Variants in COL20A1 observed in about 807,000 individuals in gnomAD.
COL20A1 encodes the protein collagen alpha-1(XX) chain.
COL20A1 carries 164 observed loss-of-function variants against 152.9 expected under a neutral mutation model. That is an observed-to-expected ratio of 1.07 (90% CI 0.94 to 1.22). COL20A1 has a LOEUF of 1.22. COL20A1 is among the 50% of genes most tolerant of loss of function. The pLI is 0.00. For synonymous variants in COL20A1, 864 were observed against 756.0 expected (o/e 1.14, Z -2.34); for missense variants, 1,873 against 1,744.8 (o/e 1.07, Z -1.31).
intron 2 of COL20A1, among the ~76,000 whole-genome samples, chr20:63,297,155 A>G (rs2067804873): frequency 6.6e-6 from 1 of 152,104 alleles, no homozygotes; most frequent in Non-Finnish European, 1.5e-5. Context: ...CACACTCCCC[A>G]CTGAGGCGGC....
chr20:63,321,945 T>TGGGGCTCA, intron 26 of COL20A1, 113 bp from the exon 27 acceptor site: 22 of 756,600 alleles, frequency 2.9e-5, no homozygotes, highest in Admixed American at 3.2e-5. Context: ...AGTCTGGGGC[T>TGGGGCTCA]GGGTGGGGCA....
chr20:63,327,325 T>C (rs1217644886), intron 31 of COL20A1: 2 of 172,410 alleles, frequency 1.2e-5, no homozygotes, highest in Non-Finnish European at 2.5e-5. Flanking sequence ...TGTTCTGAGC[T>C]GGGAGCTTGG....
In COL20A1 at chr20:63,317,208, G is replaced by T. The variant is rs529840126; in HGVS notation, c.2663+517G>T. Reference sequence around the variant, plus strand: ...TTGATGATAAAGGCGGAAGCCAGGTGTGGTGGTGCACACCTGCAGTCCCAG... The same window carrying T: ...TTGATGATAAAGGCGGAAGCCAGGTTTGGTGGTGCACACCTGCAGTCCCAG... On this transcript the variant is annotated intron_variant, in intron 21 of 35. Coordinates refer to ENST00000358894, the MANE Select transcript of COL20A1 (RefSeq NM_020882.4). Among the ~76,000 whole-genome samples the T allele has an allele frequency of 4.6e-5, 7 of 152,336 alleles. No homozygotes were observed. In the South Asian group the frequency reaches 1.4e-3, roughly 32 times the overall value.
intron 27 of COL20A1, 37 bp downstream of exon 27, chr20:63,322,148 G>C: frequency 1.4e-6 from 2 of 1,453,288 alleles, no homozygotes; most frequent in South Asian, 2.7e-5. Flanking sequence ...GAGGGGCCTG[G>C]ATCGTACCTA....
rs1403374263 is a variant in COL20A1 at position 63,332,910 on chromosome 20, C to T, written c.*2194C>T. 1.3e-5 allele frequency: 2 copies of T among 152,304 alleles called. No individual in the cohort carries two copies. Among genetic ancestry groups the T allele is most frequent in the Admixed American group, 6.5e-5 (1 of 15,288 alleles). 9.4% of individuals were successfully genotyped at this position (152,304 alleles called of 1,614,324 possible). On this transcript the variant is annotated 3_prime_UTR_variant, in exon 36 of 36. Transcript: ENST00000358894. The stretch of plus-strand genomic sequence containing the variant: ...GGATGGCAAGGGAGCTGAGAGCAGC[C>T]TCCGGATGCACCAAACCGGCCTGGC...
At chr20:63,326,715 G>C (rs1232329881) in intron 30 of COL20A1, 37 bp from the exon 31 acceptor site, 1 of 1,355,352 alleles carries the variant, frequency 7.4e-7, no homozygotes, top group Non-Finnish European at 9.6e-7. Flanking sequence ...GATTTGCTGG[G>C]GGCCCAAGCC....
At chr20:63,298,952 G>C (rs529140355) in intron 3 of COL20A1, among the ~76,000 whole-genome samples, 154 of 152,316 alleles carry the variant, frequency 1.0e-3, no homozygotes, top group African/African-American at 3.5e-3. Flanking sequence ...ACCCTCCCCT[G>C]CTCCCTGGAC....
chr20:63,304,180 CA>C (rs1358919974), intron 3 of COL20A1, among the ~76,000 whole-genome samples: 464 of 132,960 alleles, frequency 3.5e-3, no homozygotes, highest in Middle Eastern at 0.014. Context: ...TTCCTCCCTC[CA>C]GGTGTGCATG....
At position 63,311,537 on chromosome 20, in the gene COL20A1, G is replaced by T; in HGVS notation, c.1537G>T (p.Glu513Ter). 6.3e-7 allele frequency: 1 copy of T among 1,599,212 alleles called. No homozygotes were observed. ...CCCCAAGGGTGAAGAGGAGGAGCGA[G>T]AGGTGAGCTGGGCCGGGGGGTGGCG... ...ASPKGEEEER[E>*]VQVGRPEVLL... Residue 513 changes from glutamate (E) to a stop codon, truncating the protein, a stop_gained and splice_region_variant, in exon 12 of 36, where the codon GAG (glutamate) becomes TAG (stop). Transcript: ENST00000358894. LOFTEE classifies it high-confidence loss of function. The surrounding 1 kb of genome is among the most constrained non-coding windows in gnomAD (Gnocchi z 4.4).
Sources: gnomAD v4.1 joint callset for allele counts (sites outside exome capture counted in the v4.1 genomes callset) on GRCh38, gnomAD v4.1.1 for gene constraint, Gnocchi (gnomAD v3.1) non-coding constraint, MANE v1.5 for transcripts, NCBI Gene and HGNC (gene_info 2026-07-23, HGNC 2026-07-21) for gene names.